The following NFATC1 variants were observed in gnomAD, a reference collection of about 807,000 sequenced individuals.
NFATC1 encodes nuclear factor of activated T-cells, cytoplasmic 1.
A neutral mutation model predicts 76.0 loss-of-function variants in NFATC1; 22 were observed. That is an observed-to-expected ratio of 0.29 (90% CI 0.21 to 0.41). The LOEUF (loss-of-function observed/expected upper bound fraction) is 0.41, where lower values mean the gene tolerates loss of function less well. NFATC1 is among the 10% of genes least tolerant of loss of function. NFATC1 has a pLI of 1.00. For synonymous variants in NFATC1, 704 were observed against 613.1 expected (o/e 1.15, Z -2.19); for missense variants, 1,357 against 1,337.7 (o/e 1.01, Z -0.23).
At chr18:79,399,543 G>C (rs1184053667) in intron 1 of NFATC1, among the ~76,000 whole-genome samples, 4 of 152,250 alleles carry the variant, frequency 2.6e-5, no homozygotes, top group Admixed American at 2.0e-4. Flanking sequence ...GGCCCAGGGC[G>C]GCCTCAGCTA....
intron 8 of NFATC1, among the ~76,000 whole-genome samples, chr18:79,479,527 T>G (rs913767039): frequency 6.6e-6 from 1 of 152,238 alleles, no homozygotes; most frequent in Non-Finnish European, 1.5e-5. Flanking sequence ...CAAGCCCAGG[T>G]GCAGTATGTT....
chr18:79,479,616 C>G (rs1327847880), intron 8 of NFATC1, among the ~76,000 whole-genome samples: 2 of 152,256 alleles, frequency 1.3e-5, no homozygotes, highest in Non-Finnish European at 2.9e-5. Context: ...TGAGTTTGCA[C>G]TTTCCAGCTT....
chr18:79,418,028 C>T (rs1600646485), intron 2 of NFATC1, among the ~76,000 whole-genome samples: 1 of 152,028 alleles, frequency 6.6e-6, no homozygotes, highest in East Asian at 1.9e-4. Context: ...TCAGGAGCTG[C>T]CTACCAAGTT....
chr18:79,499,957 C>T (rs1166917630), intron 9 of NFATC1, among the ~76,000 whole-genome samples: 1 of 152,120 alleles, frequency 6.6e-6, no homozygotes, highest in African/African-American at 2.4e-5. Context: ...TTGCACATAA[C>T]AGAGCCCCAT....
In NFATC1 at chr18:79,451,082, G is replaced by T; in HGVS notation, c.1718G>T (p.Gly573Val). The change falls in exon 5 of 10, where the codon GGC (glycine) becomes GTC (valine). Residue 573 changes from glycine (G) to valine (V), a missense_variant. Coordinates refer to ENST00000427363, the MANE Select transcript of NFATC1 (RefSeq NM_001278669.2). Reference sequence around the variant, plus strand: ...CGCGTTCACGTCCCGCAACCCAGCGGCCGCACGCTGTCCCTGCAGGTGGCC... The same window carrying T: ...CGCGTTCACGTCCCGCAACCCAGCGTCCGCACGCTGTCCCTGCAGGTGGCC... ...VFRVHVPQPS[G>V]RTLSLQVASN... 6.2e-7 allele frequency: 1 copy of T among 1,613,144 alleles called. No individual in the cohort carries two copies. Among genetic ancestry groups the T allele is most frequent in the Non-Finnish European group, 8.5e-7 (1 of 1,179,874 alleles).
At chr18:79,461,400 G>A (rs780734937) in intron 7 of NFATC1, 34 bp downstream of exon 7, 1 of 1,613,332 alleles carries the variant, frequency 6.2e-7, no homozygotes, top group Non-Finnish European at 8.5e-7. Flanking sequence ...AGCTACTGTG[G>A]GTCCCCAGGG....
At chr18:79,491,420 T>C (rs1383332619) in intron 9 of NFATC1, among the ~76,000 whole-genome samples, 1 of 152,168 alleles carries the variant, frequency 6.6e-6, no homozygotes. Context: ...GTGTCTTTGA[T>C]AGTTTACACA....
intron 1 of NFATC1, among the ~76,000 whole-genome samples, chr18:79,407,425 G>A (rs1350421527): frequency 1.3e-5 from 2 of 152,130 alleles, no homozygotes; most frequent in East Asian, 1.9e-4. Context: ...TGGCTCTGGG[G>A]AAAGAAAGAC....
intron 2 of NFATC1, among the ~76,000 whole-genome samples, chr18:79,428,487 G>A (rs981766300): frequency 6.6e-6 from 1 of 152,210 alleles, no homozygotes; most frequent in Non-Finnish European, 1.5e-5. Context: ...CCTCTGACCA[G>A]TGGTTCTGCG....
chr18:79,484,939 G>T (rs1269177017), intron 8 of NFATC1, among the ~76,000 whole-genome samples: 6 of 152,372 alleles, frequency 3.9e-5, no homozygotes, highest in African/African-American at 1.4e-4. Flanking sequence ...TCCATCGTTC[G>T]CAGCTGCTGG....
At chr18:79,425,053 GTTTCTCTC>G (rs2086259599) in intron 2 of NFATC1, among the ~76,000 whole-genome samples, 3 of 67,962 alleles carry the variant, frequency 4.4e-5, no homozygotes, top group South Asian at 3.7e-4. Flanking sequence ...CTCCGTCTCT[GTTTCTCTC>G]TCTGTTTCTC....
At chr18:79,447,187 C>T (rs527887410) in intron 3 of NFATC1, among the ~76,000 whole-genome samples, 6 of 152,370 alleles carry the variant, frequency 3.9e-5, no homozygotes, top group African/African-American at 1.2e-4. Context: ...AAGCTGGAGC[C>T]ACGGAGCAAG....
Position 79,505,842 on chromosome 18 carries a change from CAGGAGACTGCTGCGTGGG to C in NFATC1, c.2782+18911_2782+18928del, listed in dbSNP as rs1471455911. ...GGAGGCCCTTGGGTGAGGGAAGAGG[CAGGAGACTGCTGCGTGGG>C]AGGAGGTGGTGCTGGAGGCCCTTGG... On this transcript the variant is annotated intron_variant, in intron 9 of 9. Transcript: ENST00000427363. Among the ~76,000 whole-genome samples the C allele has an allele frequency of 3.5e-5, 5 of 143,182 alleles. No homozygotes were observed. In the East Asian group the frequency reaches 1.0e-3, roughly 30 times the overall value. 93.9% of individuals were successfully genotyped at this position (143,182 alleles called of 152,430 possible).
At chr18:79,422,447 G>C (rs528782043) in intron 2 of NFATC1, 1 of 152,182 alleles carries the variant, frequency 6.6e-6, no homozygotes, top group Non-Finnish European at 1.5e-5. Context: ...GTGAACTTGG[G>C]GATGAGTGGG....
intron 7 of NFATC1, among the ~76,000 whole-genome samples, chr18:79,463,703 G>A (rs2088270567): frequency 6.6e-6 from 1 of 152,242 alleles, no homozygotes; most frequent in Admixed American, 6.5e-5. Context: ...ACTGACATCT[G>A]GCTCTCCGTC....
intron 9 of NFATC1, among the ~76,000 whole-genome samples, chr18:79,489,241 G>A (rs2089607891): frequency 6.6e-6 from 1 of 152,242 alleles, no homozygotes; most frequent in Admixed American, 6.5e-5. Flanking sequence ...GGGTGTGGGT[G>A]TGACCCCGCC....
intron 2 of NFATC1, among the ~76,000 whole-genome samples, chr18:79,424,334 C>A (rs951819245): frequency 1.3e-5 from 2 of 152,242 alleles, no homozygotes; most frequent in African/African-American, 2.4e-5. Context: ...GTTCTGCCGG[C>A]ACAGGTCAGG....
At chr18:79,469,650 A>G in intron 8 of NFATC1, 1 of 984,942 alleles carries the variant, frequency 1.0e-6, no homozygotes, top group South Asian at 4.7e-5. Flanking sequence ...TCCACCCCCC[A>G]TCTGCTCCAG....
intron 9 of NFATC1, among the ~76,000 whole-genome samples, chr18:79,525,752 A>G (rs2090744577): frequency 6.6e-6 from 1 of 152,106 alleles, no homozygotes. Flanking sequence ...CAGTCTCTTC[A>G]TGCATTGGGC....
Sources: allele counts gnomAD v4.1 joint callset (sites outside exome capture counted in the v4.1 genomes callset), GRCh38; gene constraint gnomAD v4.1.1; transcripts MANE v1.5; gene names NCBI Gene and HGNC (gene_info 2026-07-23, HGNC 2026-07-21).